The following PLXDC2 variants were observed in gnomAD, a reference collection of about 807,000 sequenced individuals.
PLXDC2 encodes the protein plexin domain containing 2, also known as plexin domain-containing protein 2.
In PLXDC2, 40 loss-of-function variants were observed where a neutral mutation model predicts 68.9. That is an observed-to-expected ratio of 0.58 (90% CI 0.45 to 0.76). The LOEUF is 0.76. Among genes scored for constraint, PLXDC2 ranks in the 30% least tolerant of loss-of-function variants. PLXDC2 has a pLI of 0.00. For missense variants in PLXDC2, 644 were observed against 661.9 expected (o/e 0.97, Z 0.30); for synonymous variants, 243 against 234.2 (o/e 1.04, Z -0.34).
chr10:20,108,274 A>T (rs1396414323), intron 4 of PLXDC2, among the ~76,000 whole-genome samples: 1 of 152,218 alleles, frequency 6.6e-6, no homozygotes, highest in East Asian at 1.9e-4. Flanking sequence ...TTAAAAAAAG[A>T]TTGGATCCCT....
intron 6 of PLXDC2, among the ~76,000 whole-genome samples, chr10:20,157,092 CA>C (rs1167447266): frequency 1.3e-5 from 2 of 152,172 alleles, no homozygotes; most frequent in Non-Finnish European, 2.9e-5. Context: ...TAAAAGAGAT[CA>C]TGACTCTTAA....
chr10:19,956,702 C>T (rs1416116767), intron 1 of PLXDC2, among the ~76,000 whole-genome samples: 1 of 152,210 alleles, frequency 6.6e-6, no homozygotes, highest in East Asian at 1.9e-4. Flanking sequence ...ATCTGTCTCA[C>T]ATATTTATGT....
intron 1 of PLXDC2, among the ~76,000 whole-genome samples, chr10:19,948,393 T>TCTTTC (rs201212426): frequency 4.2e-5 from 3 of 71,278 alleles, no homozygotes; most frequent in South Asian, 3.5e-4. Context: ...TTTCTTTCTT[T>TCTTTC]TTTTTTTTTT....
At chr10:19,887,742 T>C (rs1837876025) in intron 1 of PLXDC2, among the ~76,000 whole-genome samples, 2 of 152,214 alleles carry the variant, frequency 1.3e-5, no homozygotes, top group South Asian at 4.1e-4. Context: ...GATAGTGGCA[T>C]AGACAGTATT....
chr10:20,003,610 T>C (rs915463844), intron 2 of PLXDC2, among the ~76,000 whole-genome samples: 14 of 152,124 alleles, frequency 9.2e-5, no homozygotes, highest in Non-Finnish European at 2.9e-5. Flanking sequence ...TTTTGTATTT[T>C]TAGTAAGGAC....
At position 20,077,501 on chromosome 10, in the gene PLXDC2, G is replaced by A. The variant is rs180952726; in HGVS notation, c.541+9262G>A. Among the ~76,000 whole-genome samples the A allele has an allele frequency of 8.7e-4, 133 of 152,218 alleles. 1 individual carries two copies. In the Middle Eastern group the frequency reaches 0.01, roughly 12 times the overall value. ...GCTAATTCTAATGGGGTTACGATGG[G>A]GTTAGACTACTTTGTTGATCTGACT... On this transcript the variant is annotated intron_variant, in intron 4 of 13. Transcript: ENST00000377252.
intron 9 of PLXDC2, among the ~76,000 whole-genome samples, chr10:20,181,622 T>A (rs549763515): frequency 1.1e-4 from 17 of 152,110 alleles, no homozygotes; most frequent in South Asian, 4.1e-4. Context: ...GCCCACGCAC[T>A]GGCCCTATGG....
At chr10:20,038,167 T>A (rs1365141919) in intron 2 of PLXDC2, among the ~76,000 whole-genome samples, 1 of 151,472 alleles carries the variant, frequency 6.6e-6, no homozygotes, top group African/African-American at 2.4e-5. Flanking sequence ...ACCTGGGAGA[T>A]GGAGGTTGCA....
At chr10:19,998,849 C>T (rs1834882928) in intron 1 of PLXDC2, among the ~76,000 whole-genome samples, 1 of 152,084 alleles carries the variant, frequency 6.6e-6, no homozygotes, top group Non-Finnish European at 1.5e-5. Flanking sequence ...AGAGACCAAA[C>T]CTTGTAAGTG....
intron 13 of PLXDC2, among the ~76,000 whole-genome samples, chr10:20,274,195 C>G (rs987729504): frequency 1.3e-5 from 2 of 152,220 alleles, no homozygotes; most frequent in South Asian, 4.2e-4. Context: ...TGCACCTCCC[C>G]AGGTGATTTT....
At chr10:20,030,263 A>G (rs7907793) in intron 2 of PLXDC2, among the ~76,000 whole-genome samples, 117,478 of 152,026 alleles carry the variant, frequency 0.77, 45,660 homozygotes, top group East Asian at 0.9. Flanking sequence ...TATACAAATG[A>G]CCATGAATTC....
At chr10:20,189,081 C>A (rs1589672072) in intron 9 of PLXDC2, among the ~76,000 whole-genome samples, 1 of 75,438 alleles carries the variant, frequency 1.3e-5, no homozygotes, top group East Asian at 2.0e-4. Flanking sequence ...ATAGCATAAA[C>A]AAGATTGTCT....
chr10:19,931,952 A>AGAGTGTGTGTGT (rs1554846174), intron 1 of PLXDC2, among the ~76,000 whole-genome samples: 1 of 149,626 alleles, frequency 6.7e-6, no homozygotes, highest in African/African-American at 2.5e-5. Context: ...TAATTTGGGA[A>AGAGTGTGTGTGT]GTGTGTGTGT....
chr10:20,159,358 G>A (rs1347567552), intron 6 of PLXDC2, among the ~76,000 whole-genome samples: 2 of 151,978 alleles, frequency 1.3e-5, no homozygotes, highest in Non-Finnish European at 2.9e-5. Context: ...TTTGTCCCTC[G>A]CTGTCTTTAT....
chr10:20,227,827 G>A (rs1588529988), intron 12 of PLXDC2, among the ~76,000 whole-genome samples: 1 of 152,098 alleles, frequency 6.6e-6, no homozygotes, highest in Non-Finnish European at 1.5e-5. Flanking sequence ...ATCTAGTTAG[G>A]AGGTTATACT....
chr10:20,064,589 T>C (rs1345437500), intron 3 of PLXDC2, among the ~76,000 whole-genome samples: 1 of 152,206 alleles, frequency 6.6e-6, no homozygotes, highest in East Asian at 1.9e-4. Flanking sequence ...TTTGGGGTCA[T>C]TTATTATTTA....
intron 1 of PLXDC2, among the ~76,000 whole-genome samples, chr10:19,937,168 T>C (rs1016017208): frequency 1.3e-5 from 2 of 152,168 alleles, no homozygotes; most frequent in Non-Finnish European, 2.9e-5. Context: ...TCTCCAGGAT[T>C]ATGTTTTTCA....
rs140475401 is a variant in PLXDC2 at position 19,961,016 on chromosome 10, A to G, written c.113-40759A>G. On this transcript the variant is annotated intron_variant, in intron 1 of 13. Transcript: ENST00000377252. Reference sequence around the variant, plus strand: ...GTGTTGCTAGGTAGTTCTGAAAGCTACTAGTTAGACCATACGGCATGGGCT... The same window carrying G: ...GTGTTGCTAGGTAGTTCTGAAAGCTGCTAGTTAGACCATACGGCATGGGCT... 7.2e-5 allele frequency among the ~76,000 whole-genome samples: 11 copies of G among 152,332 alleles called. No individual in the cohort carries two copies. In the East Asian group the frequency reaches 9.7e-4, roughly 13 times the overall value.
chr10:20,265,102 A>T (rs12221334), intron 13 of PLXDC2, among the ~76,000 whole-genome samples: 1 of 152,058 alleles, frequency 6.6e-6, no homozygotes, highest in Non-Finnish European at 1.5e-5. Context: ...TAGAGTAACC[A>T]TGTGAAAGGA....
Sources: gnomAD v4.1 joint callset for allele counts (sites outside exome capture counted in the v4.1 genomes callset) on GRCh38, gnomAD v4.1.1 for gene constraint, MANE v1.5 for transcripts, NCBI Gene and HGNC (gene_info 2026-07-23, HGNC 2026-07-21) for gene names.